SLC24A3: variants seen among roughly 807,000 people sequenced by gnomAD.
The protein encoded by SLC24A3 is sodium/potassium/calcium exchanger 3.
A neutral mutation model predicts 75.8 loss-of-function variants in SLC24A3; 28 were observed. The ratio of observed to expected loss-of-function variants is 0.37; its 90% CI spans 0.27 to 0.51. The LOEUF (loss-of-function observed/expected upper bound fraction) is 0.51, where lower values mean the gene tolerates loss of function less well. Ranked by LOEUF, SLC24A3 falls within the 20% of genes least tolerant of loss-of-function variation. The pLI is 0.94. For missense variants in SLC24A3, 663 were observed against 847.8 expected (o/e 0.78, Z 2.71); for synonymous variants, 372 against 334.1 (o/e 1.11, Z -1.24).
intron 2 of SLC24A3, among the ~76,000 whole-genome samples, chr20:19,337,336 C>G (rs998379503): frequency 1.3e-5 from 2 of 152,066 alleles, no homozygotes; most frequent in Non-Finnish European, 2.9e-5. Context: ...CCCAGCTACT[C>G]AGGAGGCTGA....
At chr20:19,413,759 T>C (rs899752681) in intron 2 of SLC24A3, among the ~76,000 whole-genome samples, 7 of 152,216 alleles carry the variant, frequency 4.6e-5, no homozygotes, top group African/African-American at 1.4e-4. Flanking sequence ...TCAAGCTCTT[T>C]GTTAGAATGG....
chr20:19,657,816 T>G (rs989702066), intron 7 of SLC24A3, among the ~76,000 whole-genome samples: 1 of 152,210 alleles, frequency 6.6e-6, no homozygotes, highest in Non-Finnish European at 1.5e-5. Flanking sequence ...TCTTTCTGTT[T>G]CCCCTAATAT....
chr20:19,291,585 C>A (rs1374632785), intron 2 of SLC24A3, among the ~76,000 whole-genome samples: 2 of 152,214 alleles, frequency 1.3e-5, no homozygotes, highest in East Asian at 3.9e-4. Flanking sequence ...GAGTGTGACT[C>A]CCATTTCTTT....
rs975051055 is a variant in SLC24A3, at chr20:19,456,085, C to CT, written c.272-59394dup. 3.3e-5 allele frequency among the ~76,000 whole-genome samples: 5 copies of CT among 151,454 alleles called. No homozygotes were observed. In the South Asian group the frequency reaches 8.4e-4, roughly 25 times the overall value. The stretch of plus-strand genomic sequence containing the variant: ...AATCTCCACAAGTCCTATGTTTGCC[C>CT]TTTTTTTTTCCATCTGTATCTGTAA... On this transcript the variant is annotated intron_variant, in intron 2 of 16. Coordinates refer to ENST00000328041, the MANE Select transcript of SLC24A3 (RefSeq NM_020689.4).
At chr20:19,299,423 T>C (rs1004973327) in intron 2 of SLC24A3, among the ~76,000 whole-genome samples, 2 of 152,092 alleles carry the variant, frequency 1.3e-5, no homozygotes, top group African/African-American at 4.8e-5. Flanking sequence ...CATTCATCTT[T>C]TACTGCCTCC....
At chr20:19,263,033 TTGTGTG>T (rs11473481) in intron 1 of SLC24A3, among the ~76,000 whole-genome samples, 3,786 of 143,200 alleles carry the variant, frequency 0.026, 160 homozygotes, top group African/African-American at 0.087. Context: ...ACTCCAGCCT[TTGTGTG>T]TGTGTGTGTG....
At chr20:19,571,980 A>G (rs1006206168) in intron 3 of SLC24A3, among the ~76,000 whole-genome samples, 1 of 152,204 alleles carries the variant, frequency 6.6e-6, no homozygotes, top group Admixed American at 6.5e-5. Context: ...ATTGGAGAAG[A>G]GGAAGAAAAC....
chr20:19,665,997 CT>C, intron 8 of SLC24A3, 108 bp downstream of exon 8: 2 of 1,259,144 alleles, frequency 1.6e-6, no homozygotes, highest in South Asian at 1.4e-5. Flanking sequence ...GTCATGACAG[CT>C]TAGAATGAGG....
At chr20:19,421,363 C>T (rs962218275) in intron 2 of SLC24A3, among the ~76,000 whole-genome samples, 1 of 147,382 alleles carries the variant, frequency 6.8e-6, no homozygotes, top group Admixed American at 6.8e-5. Flanking sequence ...AAACAAACAA[C>T]CCCATCAAAA....
chr20:19,565,797 T>C (rs2030948703), intron 3 of SLC24A3, among the ~76,000 whole-genome samples: 1 of 152,194 alleles, frequency 6.6e-6, no homozygotes, highest in African/African-American at 2.4e-5. Flanking sequence ...TGGAGTCTAC[T>C]GAGAGTGGAG....
chr20:19,597,200 A>T (rs2031463380), intron 6 of SLC24A3, among the ~76,000 whole-genome samples: 1 of 152,072 alleles, frequency 6.6e-6, no homozygotes, highest in Non-Finnish European at 1.5e-5. Flanking sequence ...CGGCCTGGGC[A>T]ACATAGTGAG....
intron 2 of SLC24A3, among the ~76,000 whole-genome samples, chr20:19,285,248 C>A (rs767205762): frequency 6.6e-6 from 1 of 152,066 alleles, no homozygotes; most frequent in Non-Finnish European, 1.5e-5. Flanking sequence ...GAGCCCAAGG[C>A]GGGTGGATTA....
In SLC24A3 at chr20:19,693,346, G is replaced by C. The variant is rs745976929; in HGVS notation, c.1412G>C (p.Arg471Pro). ...ACTGTACCCAACTGCAACAAGCCGC[G>C]CTGGGAGAAATGGTTCATGGTGACG... ...YFTVPNCNKP[R>P]WEKWFMVTFA... The change falls in exon 13 of 17, where the codon CGC becomes CCC. Residue 471 changes from arginine to proline, a missense_variant. Arg to Pro is a moderately radical substitution (Grantham distance 103). This residue lies in a region of SLC24A3 where 510 missense variants were observed against 703.6 expected (regional missense o/e 0.72). Transcript: ENST00000328041. 1 of 1,614,110 alleles carries C rather than the reference G, an allele frequency of 6.2e-7. No homozygotes were observed. Among genetic ancestry groups the C allele is most frequent in the Non-Finnish European group, 8.5e-7 (1 of 1,180,028 alleles).
intron 6 of SLC24A3, among the ~76,000 whole-genome samples, chr20:19,586,672 G>C (rs535900889): frequency 6.6e-5 from 10 of 152,142 alleles, no homozygotes; most frequent in African/African-American, 2.4e-4. Context: ...TTTTACTTCC[G>C]TCATCTTCGT....
rs6106048 is a variant in SLC24A3 at position 19,250,024 on chromosome 20, T to G, written c.143-30935T>G. Among the ~76,000 whole-genome samples the G allele has an allele frequency of 3.5e-3, 536 of 152,304 alleles. 5 individuals carry two copies. Among genetic ancestry groups the G allele is most frequent in the African/African-American group, 0.012 (509 of 41,560 alleles). ...ATCTTTCCTATTTGCAGTCCTCACA[T>G]GCTGTCTTCTGAGCATTCCAAGTGT... is the stretch of plus-strand genomic sequence containing the variant. On this transcript the variant is annotated intron_variant, in intron 1 of 16. Coordinates refer to ENST00000328041, the MANE Select transcript of SLC24A3 (RefSeq NM_020689.4).
At chr20:19,570,672 A>T (rs1401612333) in intron 3 of SLC24A3, among the ~76,000 whole-genome samples, 1 of 152,234 alleles carries the variant, frequency 6.6e-6, no homozygotes, top group Non-Finnish European at 1.5e-5. Context: ...TGAAGTAATG[A>T]TGAACACAAA....
chr20:19,325,765 C>CATATATATATATATAT (rs1491578632), intron 2 of SLC24A3, among the ~76,000 whole-genome samples: 2 of 43,084 alleles, frequency 4.6e-5, no homozygotes, highest in African/African-American at 1.2e-4. Flanking sequence ...TACATACATA[C>CATATATATATATATAT]ATATATATAT....
chr20:19,280,934 G>A (rs913362721), intron 1 of SLC24A3, 25 bp from the exon 2 acceptor site: 67 of 1,611,074 alleles, frequency 4.2e-5, no homozygotes, highest in Admixed American at 1.0e-4. Context: ...TGAATGATGT[G>A]TGGTTATTGT....
At chr20:19,378,896 T>TA (rs1986133337) in intron 2 of SLC24A3, among the ~76,000 whole-genome samples, 5 of 118,726 alleles carry the variant, frequency 4.2e-5, no homozygotes, top group Admixed American at 3.9e-4. Flanking sequence ...CTACTTTCTT[T>TA]AAAAAAAGCT....
Sources: gnomAD v4.1 joint callset for allele counts (sites outside exome capture counted in the v4.1 genomes callset) on GRCh38, gnomAD v4.1.1 for gene constraint, gnomAD v4.1.1 regional missense constraint, MANE v1.5 for transcripts, NCBI Gene and HGNC (gene_info 2026-07-23, HGNC 2026-07-21) for gene names.